The following ADARB2 variants were observed in gnomAD, a reference collection of about 807,000 sequenced individuals.
ADARB2 encodes adenosine deaminase RNA specific B2 (inactive), also known as inactive double-stranded RNA-specific editase B2.
A neutral mutation model predicts 62.2 loss-of-function variants in ADARB2; 25 were observed. The observed-to-expected ratio is 0.40, with a 90% CI of 0.29 to 0.56. The LOEUF (loss-of-function observed/expected upper bound fraction) is 0.56, where lower values mean the gene tolerates loss of function less well. ADARB2 is among the 20% of genes least tolerant of loss of function. The probability of loss-of-function intolerance (pLI) is 0.43; values close to 1 mark genes in which losing one functional copy is unlikely to be tolerated. For synonymous variants in ADARB2, 572 were observed against 500.8 expected, an observed-to-expected ratio of 1.14 and a Z score of -1.90; for missense variants, 1,071 against 1,077.4, an observed-to-expected ratio of 0.99 and a Z score of 0.08.
intron 6 of ADARB2, among the ~76,000 whole-genome samples, chr10:1,229,756 A>G (rs369791541): frequency 1.3e-5 from 1 of 78,976 alleles, no homozygotes; most frequent in Non-Finnish European, 2.5e-5. Flanking sequence ...GCACGTGATT[A>G]CATGTGTGCA....
chr10:1,494,774 G>T (rs979165905), intron 1 of ADARB2, among the ~76,000 whole-genome samples: 2 of 152,068 alleles, frequency 1.3e-5, no homozygotes, highest in Admixed American at 1.3e-4. Flanking sequence ...AGTTGTGGGG[G>T]TCTTTGACCT....
At chr10:1,634,208 C>T (rs981479427) in intron 1 of ADARB2, among the ~76,000 whole-genome samples, 4 of 152,160 alleles carry the variant, frequency 2.6e-5, no homozygotes, top group Admixed American at 1.3e-4. Flanking sequence ...GTCCTTCAGC[C>T]GAAAGTGGAC....
chr10:1,684,478 C>A (rs1276369336), intron 1 of ADARB2, among the ~76,000 whole-genome samples: 25 of 152,104 alleles, frequency 1.6e-4, no homozygotes. Flanking sequence ...TAATAATAGT[C>A]CCTGGAACTT....
At chr10:1,317,603 G>A (rs1831750918) in intron 3 of ADARB2, among the ~76,000 whole-genome samples, 2 of 152,198 alleles carry the variant, frequency 1.3e-5, no homozygotes, top group Non-Finnish European at 2.9e-5. Flanking sequence ...GTTTGGTGCA[G>A]GAGTTGGCAA....
At chr10:1,648,206 T>C (rs1435075216) in intron 1 of ADARB2, among the ~76,000 whole-genome samples, 1 of 152,240 alleles carries the variant, frequency 6.6e-6, no homozygotes, top group Non-Finnish European at 1.5e-5. Flanking sequence ...AAGTTTACAC[T>C]GTATCTGTGC....
intron 3 of ADARB2, among the ~76,000 whole-genome samples, chr10:1,318,554 C>T (rs1474858232): frequency 6.6e-6 from 1 of 152,184 alleles, no homozygotes; most frequent in Admixed American, 6.5e-5. Context: ...CACACATCAT[C>T]GCAGAGTGCT....
chr10:1,681,889 A>G (rs910820529), intron 1 of ADARB2, among the ~76,000 whole-genome samples: 5 of 152,244 alleles, frequency 3.3e-5, no homozygotes, highest in Admixed American at 6.5e-5. Flanking sequence ...GCAGAGACTC[A>G]AGGGTGTGAG....
intron 1 of ADARB2, among the ~76,000 whole-genome samples, chr10:1,688,363 C>T (rs1834623459): frequency 6.6e-6 from 1 of 152,230 alleles, no homozygotes; most frequent in East Asian, 1.9e-4. Context: ...CTGACCTCCC[C>T]TGCTGTTCCC....
chr10:1,561,392 T>A (rs1044030092), intron 1 of ADARB2, among the ~76,000 whole-genome samples: 2 of 152,238 alleles, frequency 1.3e-5, no homozygotes, highest in Admixed American at 1.3e-4. Flanking sequence ...ACTGCCTAGT[T>A]TTTTGGAATT....
chr10:1,605,664 A>G (rs1833485287), intron 1 of ADARB2, among the ~76,000 whole-genome samples: 1 of 152,236 alleles, frequency 6.6e-6, no homozygotes, highest in Non-Finnish European at 1.5e-5. Flanking sequence ...CCCAACCTAC[A>G]GCTACTATTG....
chr10:1,581,962 C>G (rs1801397103), intron 1 of ADARB2, among the ~76,000 whole-genome samples: 3 of 152,100 alleles, frequency 2.0e-5, no homozygotes, highest in South Asian at 2.1e-4. Context: ...ATCTCCTCCC[C>G]CAGAGGCCAC....
At chr10:1,215,189 A>T (rs1002900964) in intron 7 of ADARB2, among the ~76,000 whole-genome samples, 7 of 152,092 alleles carry the variant, frequency 4.6e-5, no homozygotes, top group Non-Finnish European at 8.8e-5. Context: ...CGGGCTTAGG[A>T]TGGGTAAACA....
chr10:1,303,632 G>T (rs1243936958), intron 3 of ADARB2, among the ~76,000 whole-genome samples: 22 of 151,682 alleles, frequency 1.5e-4, no homozygotes, highest in Middle Eastern at 3.4e-3. Flanking sequence ...CAGAGAGAAG[G>T]GTCGGGTTAC....
Position 1,232,550 on chromosome 10 carries a change from TGTG to T in ADARB2, c.1513+1141_1513+1143del, listed in dbSNP as rs1399215469. On this transcript the variant is annotated intron_variant, in intron 6 of 9. Coordinates refer to ENST00000381312, the MANE Select transcript of ADARB2 (RefSeq NM_018702.4). Reference sequence around the variant, plus strand: ...ATGTGTGGTATATGTGGTATGTGTGTGTGGTGTATGTGCTATGTGTGTGGTGTG... The same window carrying T: ...ATGTGTGGTATATGTGGTATGTGTGTGTGTATGTGCTATGTGTGTGGTGTG... Among the ~76,000 whole-genome samples the T allele has an allele frequency of 2.6e-5, 4 of 151,844 alleles. No homozygotes were observed. The South Asian group carries it at 6.2e-4, about 24-fold the overall frequency.
At chr10:1,375,895 C>T (rs1832422113) in intron 2 of ADARB2, among the ~76,000 whole-genome samples, 1 of 151,514 alleles carries the variant, frequency 6.6e-6, no homozygotes. Context: ...CCACACCACA[C>T]ACGTGCACAT....
In ADARB2 at chr10:1,493,729, C is replaced by CTTTTTTTTTTTTTTTT. The variant is rs555812632; in HGVS notation, c.101-114585_101-114570dup. Among the ~76,000 whole-genome samples, 8 of 56,846 alleles carry CTTTTTTTTTTTTTTTT rather than the reference C, an allele frequency of 1.4e-4. 1 individual carries two copies. The highest frequency in any genetic ancestry group is 7.5e-4 in the South Asian group (1 of 1,336). 37.3% of individuals were successfully genotyped at this position (56,846 alleles called of 152,430 possible). A position where few individuals can be genotyped will look rare whatever the true frequency, so the allele number is the denominator to read the frequency against. On this transcript the variant is annotated intron_variant, in intron 1 of 9. Transcript: ENST00000381312. Reference sequence around the variant, plus strand: ...TCTAGGCACAGCATAATATGGCATTCTTTTTTTTTTTTTTTTTTTTTTTTT... The same window carrying CTTTTTTTTTTTTTTTT: ...TCTAGGCACAGCATAATATGGCATTCTTTTTTTTTTTTTTTTTTTTTTTTTTTTTTTTTTTTTTTTT...
chr10:1,372,271 G>C (rs572967952), intron 2 of ADARB2, among the ~76,000 whole-genome samples: 1 of 152,004 alleles, frequency 6.6e-6, no homozygotes, highest in African/African-American at 2.4e-5. Context: ...GGGTACACAT[G>C]GACATAAAGA....
Position 1,499,323 on chromosome 10 carries a change from C to T in ADARB2, c.101-120163G>A, listed in dbSNP as rs563130595. Reference sequence around the variant, plus strand: ...TTCATTACTCATCACGCATTCATTACTCACTGAATTAACCATTCAGTCATT... The same window carrying T: ...TTCATTACTCATCACGCATTCATTATTCACTGAATTAACCATTCAGTCATT... On this transcript the variant is annotated intron_variant, in intron 1 of 9. Coordinates refer to ENST00000381312, the MANE Select transcript of ADARB2 (RefSeq NM_018702.4). Among the ~76,000 whole-genome samples the T allele has an allele frequency of 5.9e-5, 9 of 152,158 alleles. No individual in the cohort carries two copies. In the South Asian group the frequency reaches 1.9e-3, roughly 32 times the overall value.
At chr10:1,210,752 T>C (rs908829314) in intron 7 of ADARB2, among the ~76,000 whole-genome samples, 1 of 152,210 alleles carries the variant, frequency 6.6e-6, no homozygotes, top group African/African-American at 2.4e-5. Context: ...TTGTACCTCG[T>C]GGGGGTGTAA....
Sources: allele counts gnomAD v4.1 joint callset (sites outside exome capture counted in the v4.1 genomes callset), GRCh38; gene constraint gnomAD v4.1.1; transcripts MANE v1.5; gene names NCBI Gene and HGNC (gene_info 2026-07-23, HGNC 2026-07-21).